The following TBC1D8B variants were observed in gnomAD, a reference collection of about 807,000 sequenced individuals.
The protein encoded by TBC1D8B is RP11-321G1.1.
A neutral mutation model predicts 82.9 loss-of-function variants in TBC1D8B; 75 were observed. The ratio of observed to expected loss-of-function variants is 0.90; its 90% confidence interval spans 0.75 to 1.10. The LOEUF is 1.10. TBC1D8B is among the 50% of genes least tolerant of loss of function. TBC1D8B has a pLI of 0.00. For synonymous variants in TBC1D8B, 276 were observed against 276.8 expected (o/e 1.00, Z 0.03); for missense variants, 794 against 796.9 (o/e 1.00, Z 0.04).
chrX:106,840,161 A>G lies in TBC1D8B; in HGVS notation c.1467A>G (p.Pro489=), dbSNP rs1932268158. The G allele has an allele frequency of 8.3e-7, 1 of 1,210,202 alleles. No homozygotes were observed. The highest frequency in any genetic ancestry group is 3.0e-5 in the East Asian group (1 of 33,771). Residue 489 remains proline (P), a synonymous_variant, in exon 9 of 21, where the codon CCA becomes CCG. Coordinates refer to ENST00000357242, the MANE Select transcript of TBC1D8B (RefSeq NM_017752.3). ...GAGATCTTGTTGTAAGAGGGATTCC[A>G]GAAACATTAAGAGGAGAACTCTGGA... ...KTRDLVVRGI[P]ETLRGELWML...
intron 14 of TBC1D8B, among the ~76,000 whole-genome samples, chrX:106,860,314 C>T (rs1019190364): frequency 3.0e-5 from 3 of 101,592 alleles, no homozygotes; most frequent in Non-Finnish European, 6.0e-5. Flanking sequence ...GCTGTGAATC[C>T]ATCTGGTACT....
At chrX:106,848,022 C>T (rs1255345377) in intron 10 of TBC1D8B, among the ~76,000 whole-genome samples, 164 bp from the exon 11 acceptor site, 1 of 111,681 alleles carries the variant, frequency 9.0e-6, no homozygotes, top group Non-Finnish European at 1.9e-5. Context: ...CTGACTTCAC[C>T]TTGTTTTGCC....
chrX:106,814,448 T>A (rs1242404885), intron 1 of TBC1D8B: 18 of 99,572 alleles, frequency 1.8e-4, no homozygotes, highest in Admixed American at 5.4e-4. Flanking sequence ...TCTATCATTG[T>A]TGGACATTTG....
chrX:106,849,107 G>T, intron 11 of TBC1D8B: 1 of 583,366 alleles, frequency 1.7e-6, no homozygotes, highest in Non-Finnish European at 2.6e-6. Context: ...AATATTTACA[G>T]ATCTGTGACC....
Position 106,826,065 on chromosome X carries a change from A to G in TBC1D8B, c.863A>G (p.Asn288Ser). Reference protein sequence around the residue: ...LENRAHSEQFNAFFRLPKGES... With the variant: ...LENRAHSEQFSAFFRLPKGES... ...AATAGAGCCCACAGTGAGCAATTTA[A>G]TGCCTTTTTTAGGCTGCCCAAAGGA... The change falls in exon 6 of 21, where the codon AAT becomes AGT. Residue 288 changes from asparagine to serine, a missense_variant. Coordinates refer to ENST00000357242, the MANE Select transcript of TBC1D8B (RefSeq NM_017752.3). 8.3e-7 allele frequency: 1 copy of G among 1,210,887 alleles called. No homozygotes were observed. Among genetic ancestry groups the G allele is most frequent in the Non-Finnish European group, 1.1e-6 (1 of 895,012 alleles).
chrX:106,869,471 A>T lies in TBC1D8B; in HGVS notation c.2813-14A>T. 1 of 1,202,903 alleles carries T rather than the reference A, an allele frequency of 8.3e-7. No individual in the cohort carries two copies. The highest frequency in any genetic ancestry group is 1.1e-6 in the Non-Finnish European group (1 of 889,017). On this transcript the variant is annotated splice_polypyrimidine_tract_variant and intron_variant, in intron 18 of 20. Coordinates refer to ENST00000357242, the MANE Select transcript of TBC1D8B (RefSeq NM_017752.3). Reference sequence around the variant, plus strand: ...TAAACATCTTACAGAATGCAATTACATCTTTTCTTATAGTTTCCAAGCCTG... The same window carrying T: ...TAAACATCTTACAGAATGCAATTACTTCTTTTCTTATAGTTTCCAAGCCTG...
chrX:106,808,691 C>T (rs1359160813), intron 1 of TBC1D8B, among the ~76,000 whole-genome samples: 5 of 111,976 alleles, frequency 4.5e-5, no homozygotes, highest in African/African-American at 1.3e-4. Context: ...ACAGTGCTTC[C>T]GTAGATATCA....
intron 6 of TBC1D8B, among the ~76,000 whole-genome samples, chrX:106,826,673 T>G (rs942920257): frequency 1.7e-4 from 18 of 105,603 alleles, no homozygotes; most frequent in African/African-American, 5.2e-4. Context: ...CATGCGGTGT[T>G]TGGTTTTTTT....
intron 3 of TBC1D8B, among the ~76,000 whole-genome samples, chrX:106,821,424 A>G (rs973455571): frequency 2.7e-5 from 3 of 110,705 alleles, no homozygotes; most frequent in Non-Finnish European, 1.9e-5. Context: ...TAGCACTTGT[A>G]TTTGTAGTAG....
intron 11 of TBC1D8B, chrX:106,849,556 A>G (rs1045896648): frequency 1.1e-6 from 1 of 934,803 alleles, no homozygotes; most frequent in Non-Finnish European, 1.3e-6. Context: ...TTCTCTGTGT[A>G]TTGCTGGAGT....
chrX:106,826,988 G>T (rs970933896), intron 6 of TBC1D8B, among the ~76,000 whole-genome samples, 182 bp from the exon 7 acceptor site: 1 of 111,543 alleles, frequency 9.0e-6, no homozygotes, highest in African/African-American at 3.2e-5. Flanking sequence ...CTTGAGAAGT[G>T]AAATAACTTG....
intron 14 of TBC1D8B, among the ~76,000 whole-genome samples, chrX:106,860,647 C>G (rs1281593005): frequency 9.1e-6 from 1 of 110,241 alleles, no homozygotes; most frequent in Non-Finnish European, 1.9e-5. Context: ...AGTGGTCTAT[C>G]AGTCTTATTT....
At chrX:106,805,359 G>C (rs749362173) in intron 1 of TBC1D8B, among the ~76,000 whole-genome samples, 3 of 109,480 alleles carry the variant, frequency 2.7e-5, no homozygotes, top group African/African-American at 1.0e-4. Context: ...ACTGGGATTG[G>C]GATTAAAGGA....
Position 106,823,346 on chromosome X carries a change from A to T in TBC1D8B, c.707A>T (p.His236Leu). Residue 236 changes from histidine to leucine, a missense_variant, in exon 5 of 21, where the codon CAC (histidine) becomes CTC (leucine). By Grantham distance (99) the His-to-Leu change is moderately conservative (BLOSUM62 -3). Transcript: ENST00000357242. ...AATCACTACTTTTCAATGTTTTTGC[A>T]CATTAACCAAACATACCTTCTTATG... The part of the protein sequence containing the change: ...GENHYFSMFL[H>L]INQTYLLMEQ... 3.3e-6 allele frequency: 4 copies of T among 1,210,625 alleles called. No individual in the cohort carries two copies. The highest frequency in any genetic ancestry group is 3.4e-6 in the Non-Finnish European group (3 of 894,821).
chrX:106,866,034 G>A lies in TBC1D8B; in HGVS notation c.2662+1G>A, dbSNP rs762264338. 2 of 1,188,347 alleles carry A rather than the reference G, an allele frequency of 1.7e-6. No individual in the cohort carries two copies. The highest frequency in any genetic ancestry group is 3.0e-5 in the East Asian group (1 of 33,555). ...TTCAAAGAATTCTCCTCTGCAATTGGTAAGATGATTTTTTTAAGCAAAAAA... is the reference window on the plus strand; with the variant it reads ...TTCAAAGAATTCTCCTCTGCAATTGATAAGATGATTTTTTTAAGCAAAAAA... On this transcript the variant is annotated splice_donor_variant, in intron 16 of 20. Transcript: ENST00000357242. LOFTEE classifies it high-confidence loss of function.
chrX:106,841,436 G>A (rs748471524), intron 10 of TBC1D8B, among the ~76,000 whole-genome samples: 109 of 111,492 alleles, frequency 9.8e-4, no homozygotes, highest in African/African-American at 3.2e-3. Context: ...AGAGGTAAAC[G>A]TAAAGTATGT....
intron 1 of TBC1D8B, chrX:106,815,317 T>C (rs760140537): frequency 9.0e-6 from 1 of 111,506 alleles, no homozygotes; most frequent in Non-Finnish European, 1.9e-5. Context: ...CTTTCCCCAT[T>C]GCTTGTTTTT....
chrX:106,870,219 C>T (rs1191447737), intron 19 of TBC1D8B, among the ~76,000 whole-genome samples: 1 of 111,509 alleles, frequency 9.0e-6, no homozygotes, highest in Non-Finnish European at 1.9e-5. Flanking sequence ...TTAGTAGAGA[C>T]AGGGTTTCAC....
At chrX:106,817,257 G>T (rs1931568737) in intron 1 of TBC1D8B, among the ~76,000 whole-genome samples, 2 of 111,177 alleles carry the variant, frequency 1.8e-5, no homozygotes, top group Admixed American at 9.6e-5. Flanking sequence ...CATGGTTATT[G>T]TCCTCAGAGG....
Sources: gnomAD v4.1 joint callset for allele counts (sites outside exome capture counted in the v4.1 genomes callset) on GRCh38, gnomAD v4.1.1 for gene constraint, MANE v1.5 for transcripts, NCBI Gene and HGNC (gene_info 2026-07-23, HGNC 2026-07-21) for gene names.